The following NRP1 variants were observed in gnomAD, a reference collection of about 807,000 sequenced individuals.
The protein encoded by NRP1 is neuropilin 1.
NRP1 carries 35 observed loss-of-function variants against 106.7 expected under a neutral mutation model. That is an observed-to-expected ratio of 0.33 (90% confidence interval 0.25 to 0.43). The LOEUF (loss-of-function observed/expected upper bound fraction) is 0.43. Among genes scored for constraint, NRP1 ranks in the 20% least tolerant of loss-of-function variants. The probability of loss-of-function intolerance (pLI) is 1.00; values close to 1 mark genes in which losing one functional copy is unlikely to be tolerated. For missense variants in NRP1, 1,024 were observed against 1,170.4 expected (o/e 0.87, Z 1.83); for synonymous variants, 437 against 417.9 (o/e 1.05, Z -0.56).
In NRP1 at chr10:33,202,559, C is replaced by T. The variant is rs536486967; in HGVS notation, c.1864+332G>A. The T allele has an allele frequency of 3.6e-5, 50 of 1,379,896 alleles. 1 individual carries two copies. Among genetic ancestry groups the T allele is most frequent in the African/African-American group, 1.4e-4 (8 of 57,154 alleles). 85.5% of individuals were successfully genotyped at this position (1,379,896 alleles called of 1,614,324 possible). A position where few individuals can be genotyped will look rare whatever the true frequency, so the allele number is the denominator to read the frequency against. On this transcript the variant is annotated intron_variant, in intron 11 of 16. Transcript: ENST00000374867. ...TGTGTGGTTACGTAGGGGTGGTGCACGTGTTATTGGGGGGGGGTCTGAAAA... is the reference window on the plus strand; with the variant it reads ...TGTGTGGTTACGTAGGGGTGGTGCATGTGTTATTGGGGGGGGGTCTGAAAA...
chr10:33,199,389 ATTTTTTTTTTTTTTT>A (rs1160327036), intron 11 of NRP1, among the ~76,000 whole-genome samples: 7 of 36,850 alleles, frequency 1.9e-4, no homozygotes, highest in African/African-American at 8.0e-4. Context: ...ATATATATAT[ATTTTTTTTTTTTTTT>A]TTTTTTTTTT....
At chr10:33,294,767 C>A (rs892457639) in intron 2 of NRP1, among the ~76,000 whole-genome samples, 2 of 152,110 alleles carry the variant, frequency 1.3e-5, no homozygotes, top group Non-Finnish European at 2.9e-5. Flanking sequence ...CGTAAGGGAA[C>A]CTGGGACAGA....
chr10:33,180,439 GGA>G, intron 16 of NRP1, 74 bp from the exon 17 acceptor site: 1 of 1,437,834 alleles, frequency 7.0e-7, no homozygotes, highest in Non-Finnish European at 9.4e-7. Context: ...AAAATAGAAA[GGA>G]ACGAAACAGG....
chr10:33,211,797 C>T (rs527477015), intron 9 of NRP1: 2 of 152,328 alleles, frequency 1.3e-5, no homozygotes, highest in South Asian at 2.1e-4. Context: ...GTAATATTCC[C>T]TTCAATAAGC....
At chr10:33,235,981 A>C (rs1347090543) in intron 6 of NRP1, among the ~76,000 whole-genome samples, 1 of 152,218 alleles carries the variant, frequency 6.6e-6, no homozygotes, top group Non-Finnish European at 1.5e-5. Context: ...ATGACATTTT[A>C]ATGTCCCCTC....
At chr10:33,219,432 A>G (rs949644296) in intron 8 of NRP1, among the ~76,000 whole-genome samples, 1 of 152,196 alleles carries the variant, frequency 6.6e-6, no homozygotes, top group African/African-American at 2.4e-5. Context: ...TTTGGAGACT[A>G]GAGACATTTT....
chr10:33,332,480 G>A (rs1848353377), intron 1 of NRP1, among the ~76,000 whole-genome samples: 1 of 152,278 alleles, frequency 6.6e-6, no homozygotes. Flanking sequence ...AAACAGCACT[G>A]GTTCTAGTCA....
At chr10:33,197,265 A>C (rs970680363) in intron 12 of NRP1, among the ~76,000 whole-genome samples, 8 of 152,210 alleles carry the variant, frequency 5.3e-5, no homozygotes, top group Non-Finnish European at 8.8e-5. Flanking sequence ...AAAACTGACA[A>C]ACTTTGCCTG....
At chr10:33,314,245 C>T (rs1450401341) in intron 2 of NRP1, among the ~76,000 whole-genome samples, 5 of 152,076 alleles carry the variant, frequency 3.3e-5, no homozygotes, top group Non-Finnish European at 5.9e-5. Flanking sequence ...TGGCACCATG[C>T]TTGGCTAATT....
intron 2 of NRP1, among the ~76,000 whole-genome samples, chr10:33,319,215 T>C (rs907927306): frequency 1.3e-4 from 20 of 151,664 alleles, no homozygotes; most frequent in Non-Finnish European, 2.9e-4. Context: ...ACTGTGTTAG[T>C]CAGGATGGTC....
At chr10:33,277,233 C>G (rs1196611432) in intron 2 of NRP1, among the ~76,000 whole-genome samples, 1 of 152,004 alleles carries the variant, frequency 6.6e-6, no homozygotes, top group Non-Finnish European at 1.5e-5. Flanking sequence ...GTGTATGTGA[C>G]AGAGAGAGAC....
intron 8 of NRP1, 93 bp downstream of exon 8, chr10:33,221,626 A>C (rs758991294): frequency 8.1e-5 from 107 of 1,323,670 alleles, no homozygotes; most frequent in Non-Finnish European, 1.1e-4. Flanking sequence ...TTGCATTTAC[A>C]AACTTATTTA....
At chr10:33,278,917 G>A (rs1340506844) in intron 2 of NRP1, among the ~76,000 whole-genome samples, 3 of 152,094 alleles carry the variant, frequency 2.0e-5, no homozygotes, top group Non-Finnish European at 4.4e-5. Context: ...GGTCAGGTAC[G>A]AGAGTTTATA....
chr10:33,284,879 G>A (rs560566737), intron 2 of NRP1, among the ~76,000 whole-genome samples: 3 of 152,300 alleles, frequency 2.0e-5, no homozygotes, highest in South Asian at 2.1e-4. Flanking sequence ...GTGCCGTCAT[G>A]AAGGGCTTGC....
At chr10:33,305,967 C>G (rs1846127902) in intron 2 of NRP1, among the ~76,000 whole-genome samples, 2 of 151,966 alleles carry the variant, frequency 1.3e-5, no homozygotes, top group South Asian at 4.2e-4. Flanking sequence ...TGGGGTTTCA[C>G]CATGTTGGCC....
chr10:33,202,572 G>GGA, intron 11 of NRP1: 1 of 1,412,764 alleles, frequency 7.1e-7, no homozygotes. Flanking sequence ...GTTATTGGGG[G>GGA]GGGGTCTGAA....
intron 2 of NRP1, among the ~76,000 whole-genome samples, chr10:33,299,531 C>T (rs1204567857): frequency 6.6e-6 from 1 of 152,148 alleles, no homozygotes; most frequent in Non-Finnish European, 1.5e-5. Context: ...GTAATGCCAG[C>T]ACTTTGAGAG....
chr10:33,186,857 C>CTTATTTATTTATTTATTTATTTAT (rs201603765), intron 13 of NRP1, among the ~76,000 whole-genome samples: 2 of 151,172 alleles, frequency 1.3e-5, no homozygotes, highest in African/African-American at 4.9e-5. Context: ...TTAGAGAAAC[C>CTTATTTATTTATTTATTTATTTAT]TTATTTATTT....
intron 6 of NRP1, among the ~76,000 whole-genome samples, chr10:33,237,485 G>GCGCGCA (rs769656147): frequency 7.7e-6 from 1 of 130,096 alleles, no homozygotes; most frequent in Non-Finnish European, 1.6e-5. Flanking sequence ...ACACATGCGC[G>GCGCGCA]CGCACACACA....
Sources: gnomAD v4.1 joint callset for allele counts (sites outside exome capture counted in the v4.1 genomes callset) on GRCh38, gnomAD v4.1.1 for gene constraint, MANE v1.5 for transcripts, NCBI Gene and HGNC (gene_info 2026-07-23, HGNC 2026-07-21) for gene names.